Variants in SMIM21 observed in about 807,000 individuals in gnomAD.
SMIM21 encodes chromosome 18 open reading frame 62.
SMIM21 carries 8 observed loss-of-function variants against 8.6 expected under a neutral mutation model. The observed-to-expected ratio is 0.93, with a 90% CI of 0.55 to 1.68. The LOEUF is 1.68. SMIM21 is among the 40% of genes most tolerant of loss of function. The pLI, the probability that SMIM21 is intolerant of heterozygous loss-of-function variation, is 0.00. For synonymous variants in SMIM21, 43 were observed against 41.7 expected (o/e 1.03, Z -0.12); for missense variants, 132 against 123.0 (o/e 1.07, Z -0.35).
chr18:75,414,102 C>CACACACACAT (rs2024614902), intron 2 of SMIM21, among the ~76,000 whole-genome samples: 1 of 137,824 alleles, frequency 7.3e-6, no homozygotes, highest in East Asian at 2.1e-4. Flanking sequence ...CACACATACA[C>CACACACACAT]ACACACACAC....
intron 2 of SMIM21, chr18:75,418,071 GTAT>G (rs1290713084): frequency 2.0e-4 from 81 of 396,754 alleles, no homozygotes; most frequent in Non-Finnish European, 3.2e-4. Flanking sequence ...GTGCCCACTG[GTAT>G]CTGAAACTTG....
chr18:75,417,628 C>T (rs1345135969), intron 2 of SMIM21: 1 of 152,192 alleles, frequency 6.6e-6, no homozygotes, highest in Non-Finnish European at 1.5e-5. Context: ...AATCACTCAA[C>T]CCTCCGTAAG....
At chr18:75,424,242 T>TTA (rs1317245856) in intron 1 of SMIM21, among the ~76,000 whole-genome samples, 4 of 152,214 alleles carry the variant, frequency 2.6e-5, no homozygotes, top group Non-Finnish European at 5.9e-5. Context: ...AGATTCTTAT[T>TTA]TAGTGACTAC....
intron 2 of SMIM21, among the ~76,000 whole-genome samples, chr18:75,415,462 C>T (rs1019111976): frequency 1.3e-5 from 2 of 152,154 alleles, no homozygotes; most frequent in African/African-American, 2.4e-5. Flanking sequence ...TGGATGACCC[C>T]GACGTGTGAC....
intron 2 of SMIM21, among the ~76,000 whole-genome samples, chr18:75,414,284 C>T (rs1439540490): frequency 6.6e-6 from 1 of 151,998 alleles, no homozygotes; most frequent in Non-Finnish European, 1.5e-5. Context: ...GGCTTGGTTG[C>T]AAAAAGTGTT....
intron 2 of SMIM21, among the ~76,000 whole-genome samples, chr18:75,411,548 C>G (rs1242773823): frequency 6.6e-6 from 1 of 152,190 alleles, no homozygotes; most frequent in Non-Finnish European, 1.5e-5. Context: ...CCTGAGATTG[C>G]AGAGGAGGGA....
chr18:75,418,949 C>T (rs761127976), intron 1 of SMIM21, 33 bp from the exon 2 acceptor site: 14 of 1,458,188 alleles, frequency 9.6e-6, no homozygotes, highest in Non-Finnish European at 1.3e-5. Flanking sequence ...TTACTATTTA[C>T]AGTGTCTGGC....
At chr18:75,417,996 G>T (rs535455341) in intron 2 of SMIM21, 159 of 385,630 alleles carry the variant, frequency 4.1e-4, no homozygotes, top group African/African-American at 3.1e-3. Context: ...TTTTTTGTTT[G>T]CTTGTTTCAG....
chr18:75,420,484 T>C (rs2024697311), intron 1 of SMIM21, among the ~76,000 whole-genome samples: 1 of 152,190 alleles, frequency 6.6e-6, no homozygotes. Flanking sequence ...CTGTGCATCA[T>C]TTGGAGACAG....
intron 2 of SMIM21, among the ~76,000 whole-genome samples, chr18:75,414,969 T>C (rs1306557955): frequency 6.6e-6 from 1 of 152,232 alleles, no homozygotes; most frequent in Non-Finnish European, 1.5e-5. Flanking sequence ...TTTGTAAGAA[T>C]GGCTGACAAT....
chr18:75,410,363 G>T lies in SMIM21; in HGVS notation c.*501C>A, dbSNP rs2024570264. The T allele has an allele frequency of 6.5e-6, 1 of 153,900 alleles. No homozygotes were observed. The highest frequency in any genetic ancestry group is 6.5e-5 in the Admixed American group (1 of 15,430). 9.5% of individuals were successfully genotyped at this position (153,900 alleles called of 1,614,324 possible). On this transcript the variant is annotated 3_prime_UTR_variant, in exon 3 of 3. Transcript: ENST00000579022. ...CTCTAATATGTTACCCAAACCATCA[G>T]CTTCTCAGTTTGGTGTCAGGATGAC...
intron 2 of SMIM21, chr18:75,416,324 T>G (rs2024644113): frequency 6.6e-6 from 1 of 152,264 alleles, no homozygotes; most frequent in Non-Finnish European, 1.5e-5. Context: ...ATTTGCCGTG[T>G]GTACTTCTTT....
At position 75,410,316 on chromosome 18, in the gene SMIM21, G is replaced by A. The variant is rs2024569657; in HGVS notation, c.*548C>T. On this transcript the variant is annotated 3_prime_UTR_variant, in exon 3 of 3. Coordinates refer to ENST00000579022, the MANE Select transcript of SMIM21 (RefSeq NM_001037331.3). ...TCTGCTGGTTTTATTACAGTAATGA[G>A]GACTGTCGGTTTTTTCATCTCCTCT... is the stretch of plus-strand genomic sequence containing the variant. 1 of 152,948 alleles carries A rather than the reference G, an allele frequency of 6.5e-6. No individual in the cohort carries two copies. The highest frequency in any genetic ancestry group is 1.5e-5 in the Non-Finnish European group (1 of 68,368). The allele number at this position is 152,948 out of a possible 1,614,324, so 9.5% of individuals were successfully genotyped here.
At chr18:75,415,543 C>A (rs2024634912) in intron 2 of SMIM21, among the ~76,000 whole-genome samples, 1 of 152,220 alleles carries the variant, frequency 6.6e-6, no homozygotes, top group African/African-American at 2.4e-5. Flanking sequence ...CCAGGCGGAA[C>A]TAGCATGTGA....
intron 2 of SMIM21, chr18:75,412,577 A>G (rs1199296950): frequency 6.6e-6 from 1 of 152,206 alleles, no homozygotes; most frequent in African/African-American, 2.4e-5. Context: ...CTGAGGAGGT[A>G]TGAGGTTTGG....
intron 2 of SMIM21, among the ~76,000 whole-genome samples, chr18:75,411,394 C>T (rs913384401): frequency 1.1e-4 from 16 of 152,232 alleles, no homozygotes; most frequent in East Asian, 5.8e-4. Context: ...TTTGGCCTGA[C>T]GGCCTCAAGA....
At chr18:75,411,767 G>T (rs1365090820) in intron 2 of SMIM21, among the ~76,000 whole-genome samples, 1 of 152,188 alleles carries the variant, frequency 6.6e-6, no homozygotes, top group African/African-American at 2.4e-5. Context: ...CCTATTTTAG[G>T]TGGAGGTTAG....
Position 75,410,582 on chromosome 18 carries a change from G to T in SMIM21, c.*282C>A. The T allele has an allele frequency of 1.8e-6, 1 of 567,208 alleles. No individual in the cohort carries two copies. Among genetic ancestry groups the T allele is most frequent in the Non-Finnish European group, 2.8e-6 (1 of 356,910 alleles). 35.1% of individuals were successfully genotyped at this position (567,208 alleles called of 1,614,324 possible). ...AATGAAGAAGTTCTTTGCACTGCTG[G>T]ATCTGTTTCGACACGCAGGGCAGAT... On this transcript the variant is annotated 3_prime_UTR_variant, in exon 3 of 3. Transcript: ENST00000579022.
intron 1 of SMIM21, among the ~76,000 whole-genome samples, chr18:75,423,131 C>A (rs1002149327): frequency 6.6e-6 from 1 of 152,162 alleles, no homozygotes. Flanking sequence ...ACTTTTCTTG[C>A]AAATCCCCTG....
Sources: allele counts gnomAD v4.1 joint callset (sites outside exome capture counted in the v4.1 genomes callset), GRCh38; gene constraint gnomAD v4.1.1; transcripts MANE v1.5; gene names NCBI Gene and HGNC (gene_info 2026-07-23, HGNC 2026-07-21).